Variants in ME3 observed in about 807,000 individuals in gnomAD.
ME3 encodes NADP-dependent malic enzyme, mitochondrial.
Under a neutral mutation model 68.9 loss-of-function variants are expected in ME3, and 48 were observed. That is an observed-to-expected ratio of 0.70 (90% CI 0.55 to 0.89). The LOEUF is 0.89. Ranked by LOEUF, ME3 falls within the 40% of genes least tolerant of loss-of-function variation. The probability of loss-of-function intolerance (pLI) is 0.00; values close to 1 mark genes in which losing one functional copy is unlikely to be tolerated. For missense variants in ME3, 675 were observed against 797.4 expected, an observed-to-expected ratio of 0.85 and a Z score of 1.85; for synonymous variants, 320 against 318.8, an observed-to-expected ratio of 1.00 and a Z score of -0.04.
chr11:86,467,222 C>T (rs1950525149), intron 7 of ME3, among the ~76,000 whole-genome samples: 1 of 152,102 alleles, frequency 6.6e-6, no homozygotes, highest in African/African-American at 2.4e-5. Flanking sequence ...GTATACAATA[C>T]AGTATTACTA....
At chr11:86,455,560 C>T (rs1475964792) in intron 8 of ME3, among the ~76,000 whole-genome samples, 3 of 152,202 alleles carry the variant, frequency 2.0e-5, no homozygotes, top group East Asian at 1.9e-4. Flanking sequence ...TGCAGTGCCT[C>T]CCCGTGTACT....
intron 2 of ME3, among the ~76,000 whole-genome samples, chr11:86,648,699 A>G (rs1003510332): frequency 7.2e-5 from 11 of 152,302 alleles, no homozygotes; most frequent in Non-Finnish European, 1.5e-4. Context: ...AGAATACTAT[A>G]AACACCTCTA....
intron 2 of ME3, among the ~76,000 whole-genome samples, chr11:86,576,857 A>G (rs1487961773): frequency 6.6e-6 from 1 of 152,202 alleles, no homozygotes. Flanking sequence ...ATGCTGGGGA[A>G]TCAGAGAACC....
Position 86,661,591 on chromosome 11 carries a change from G to C in ME3, c.183+10171C>G, listed in dbSNP as rs73514363. 9.5e-3 allele frequency among the ~76,000 whole-genome samples: 1,439 copies of C among 152,246 alleles called. 31 individuals carry two copies. Among genetic ancestry groups the C allele is most frequent in the African/African-American group, 0.032 (1,347 of 41,542 alleles). ...CTATACTCAGAGACAATGCCATTCT[G>C]TCTCATTATCTGACCTAAATAGCTT... is the stretch of plus-strand genomic sequence containing the variant. On this transcript the variant is annotated intron_variant, in intron 2 of 14. Coordinates refer to ENST00000543262, the Ensembl canonical transcript of ME3.
At chr11:86,550,346 C>A (rs1344597426) in intron 4 of ME3, among the ~76,000 whole-genome samples, 2 of 152,146 alleles carry the variant, frequency 1.3e-5, no homozygotes, top group African/African-American at 4.8e-5. Context: ...AACCCTACCA[C>A]TGTTACTACA....
intron 2 of ME3, among the ~76,000 whole-genome samples, chr11:86,633,140 G>A (rs1944121777): frequency 6.6e-6 from 1 of 152,176 alleles, no homozygotes; most frequent in Non-Finnish European, 1.5e-5. Context: ...TTATTCTCTG[G>A]TCACAGAAAC....
At chr11:86,475,624 T>G (rs941984485) in intron 7 of ME3, among the ~76,000 whole-genome samples, 2 of 152,036 alleles carry the variant, frequency 1.3e-5, no homozygotes, top group Non-Finnish European at 2.9e-5. Context: ...TTGGATAAGT[T>G]TTCCTTAATT....
intron 2 of ME3, among the ~76,000 whole-genome samples, chr11:86,583,934 G>T (rs1487078897): frequency 6.6e-6 from 1 of 152,002 alleles, no homozygotes; most frequent in African/African-American, 2.4e-5. Context: ...AATATCAAAA[G>T]CACAGGCAAA....
Position 86,529,601 on chromosome 11 carries a change from T to A in ME3, c.468-20734A>T, listed in dbSNP as rs1265278735. 5.3e-5 allele frequency among the ~76,000 whole-genome samples: 8 copies of A among 152,060 alleles called. No homozygotes were observed. The East Asian group carries it at 1.5e-3, about 29-fold the overall frequency. ...ATCCCTGATGAACATCGATGCAAAA[T>A]TCCTCAATAAAATACTGGCAAACTG... On this transcript the variant is annotated intron_variant, in intron 4 of 14. Coordinates refer to ENST00000543262, the Ensembl canonical transcript of ME3.
intron 4 of ME3, among the ~76,000 whole-genome samples, chr11:86,510,075 C>T (rs2139106667): frequency 6.6e-6 from 1 of 152,296 alleles, no homozygotes; most frequent in Non-Finnish European, 1.5e-5. Context: ...CTTGCCAGGA[C>T]TGTTCTTTCA....
intron 2 of ME3, among the ~76,000 whole-genome samples, chr11:86,644,900 C>T (rs1003034756): frequency 3.9e-5 from 6 of 152,132 alleles, no homozygotes; most frequent in African/African-American, 1.4e-4. Context: ...GTGGGTGCAG[C>T]CCATAGAGGG....
Position 86,512,219 on chromosome 11 carries a change from C to A in ME3, c.468-3352G>T, listed in dbSNP as rs77636946. Reference sequence around the variant, plus strand: ...TTCCTTCTGCCTAATACGCATGCTTCTCCTCACTCTTTAGTTAATTCATAC... The same window carrying A: ...TTCCTTCTGCCTAATACGCATGCTTATCCTCACTCTTTAGTTAATTCATAC... On this transcript the variant is annotated intron_variant, in intron 4 of 14. Transcript: ENST00000543262. Among the ~76,000 whole-genome samples the A allele has an allele frequency of 2.6e-3, 393 of 152,336 alleles. 1 individual carries two copies. The highest frequency in any genetic ancestry group is 9.1e-3 in the African/African-American group (378 of 41,580).
chr11:86,644,719 C>T (rs1482909266), intron 2 of ME3, among the ~76,000 whole-genome samples: 1 of 152,182 alleles, frequency 6.6e-6, no homozygotes, highest in Non-Finnish European at 1.5e-5. Flanking sequence ...TTACACTATA[C>T]TCTGTTTATT....
At position 86,524,176 on chromosome 11, in the gene ME3, C is replaced by T. The variant is rs913395633; in HGVS notation, c.468-15309G>A. 6.6e-5 allele frequency among the ~76,000 whole-genome samples: 10 copies of T among 152,310 alleles called. No individual in the cohort carries two copies. The East Asian group carries it at 1.9e-3, about 29-fold the overall frequency. On this transcript the variant is annotated intron_variant, in intron 4 of 14. Coordinates refer to ENST00000543262, the Ensembl canonical transcript of ME3. ...AAACACCTTCCTGACGTCTAGAAGG[C>T]CTCTAGTGAATCTGGGTCTCTGGGC...
chr11:86,610,042 A>G (rs750582615), intron 2 of ME3, among the ~76,000 whole-genome samples: 4 of 152,236 alleles, frequency 2.6e-5, no homozygotes, highest in Admixed American at 6.5e-5. Context: ...AAGTTGAGGA[A>G]GGCTACATAC....
chr11:86,478,558 G>A (rs1951214248), intron 7 of ME3, among the ~76,000 whole-genome samples: 1 of 152,122 alleles, frequency 6.6e-6, no homozygotes, highest in African/African-American at 2.4e-5. Flanking sequence ...CCCACATCTT[G>A]TCAATTTTAA....
intron 2 of ME3, among the ~76,000 whole-genome samples, chr11:86,628,886 C>T (rs139712835): frequency 1.3e-5 from 2 of 152,208 alleles, no homozygotes; most frequent in East Asian, 1.9e-4. Flanking sequence ...TGGAGAGAAA[C>T]GTCTAAATCT....
intron 4 of ME3, among the ~76,000 whole-genome samples, chr11:86,549,677 A>G (rs997958750): frequency 6.6e-6 from 1 of 152,206 alleles, no homozygotes; most frequent in Non-Finnish European, 1.5e-5. Flanking sequence ...AGCTATTACT[A>G]TTACAATGTG....
chr11:86,447,348 C>T (rs932332160), intron 11 of ME3, 141 bp from the exon 12 acceptor site: 3 of 1,164,870 alleles, frequency 2.6e-6, no homozygotes, highest in Non-Finnish European at 3.6e-6. Flanking sequence ...ACTGAAGGAG[C>T]AGAAGGGAAA....
Sources: allele counts gnomAD v4.1 joint callset (sites outside exome capture counted in the v4.1 genomes callset), GRCh38; gene constraint gnomAD v4.1.1; transcripts MANE v1.5; gene names NCBI Gene and HGNC (gene_info 2026-07-23, HGNC 2026-07-21).